Variants in NECTIN2 observed in about 807,000 individuals in gnomAD.
The protein encoded by NECTIN2 is nectin-2.
In NECTIN2, 23 loss-of-function variants were observed where a neutral mutation model predicts 56.9. That is an observed-to-expected ratio of 0.40 (90% CI 0.29 to 0.57). The LOEUF is 0.57. Among genes scored for constraint, NECTIN2 ranks in the 20% least tolerant of loss-of-function variants. NECTIN2 has a pLI of 0.38. For missense variants in NECTIN2, 587 were observed against 718.3 expected (o/e 0.82, Z 2.09); for synonymous variants, 302 against 313.8 (o/e 0.96, Z 0.40).
chr19:44,880,168 TGTC>T (rs780544455), intron 5 of NECTIN2, among the ~76,000 whole-genome samples: 2 of 152,182 alleles, frequency 1.3e-5, no homozygotes, highest in Non-Finnish European at 2.9e-5. Flanking sequence ...GGTTGTTTGT[TGTC>T]TGTACTCACC....
At position 44,874,462 on chromosome 19, in the gene NECTIN2, G is replaced by A. The variant is rs776152479; in HGVS notation, c.1026G>A (p.Gln342=). The A allele has an allele frequency of 1.9e-6, 3 of 1,613,830 alleles. No individual in the cohort carries two copies. The highest frequency in any genetic ancestry group is 2.5e-6 in the Non-Finnish European group (3 of 1,180,030). ...TNAVGMGRAE[Q]VIFVRETPNT... ...CCGTGGGCATGGGCCGCGCTGAGCA[G>A]GTCATCTTTGTCCGAGGTGAGTGGG... The change falls in exon 5 of 9, where the codon CAG becomes CAA. Residue 342 remains glutamine (Q), a synonymous_variant. Coordinates refer to ENST00000252483, the MANE Select transcript of NECTIN2 (RefSeq NM_001042724.2). This position sits in a 1 kb window ranked among gnomAD's most constrained non-coding sequence, Gnocchi z 6.3.
rs1969231012 is a variant in NECTIN2 at position 44,875,899 on chromosome 19, T to C, written c.1042+1421T>C. On this transcript the variant is annotated intron_variant, in intron 5 of 8. Transcript: ENST00000252483. This position sits in a 1 kb window ranked among gnomAD's most constrained non-coding sequence, Gnocchi z 4.2. ...ACCCAGAGAGACAGCTGTCCCGCTC[T>C]GGGCTCGCCTGGCGCGTGAGGATGC... Among the ~76,000 whole-genome samples the C allele has an allele frequency of 6.6e-6, 1 of 152,166 alleles. No homozygotes were observed. Among genetic ancestry groups the C allele is most frequent in the African/African-American group, 2.4e-5 (1 of 41,426 alleles).
Position 44,865,337 on chromosome 19 carries a change from T to A in NECTIN2, c.155T>A (p.Leu52Gln). 1 of 1,614,114 alleles carries A rather than the reference T, an allele frequency of 6.2e-7. No homozygotes were observed. The highest frequency in any genetic ancestry group is 8.5e-7 in the Non-Finnish European group (1 of 1,180,010). ...GGCCAGCTCGGGGGCACCGTGGAGC[T>A]GCCGTGCCACCTGCTGCCACCTGTT... Reference protein sequence around the residue: ...VRGQLGGTVELPCHLLPPVPG... With the variant: ...VRGQLGGTVEQPCHLLPPVPG... Residue 52 changes from leucine to glutamine, a missense_variant, in exon 2 of 9, where the codon CTG (leucine) becomes CAG (glutamine). By Grantham distance (113) the Leu-to-Gln change is moderately radical. Coordinates refer to ENST00000252483, the MANE Select transcript of NECTIN2 (RefSeq NM_001042724.2). The surrounding 1 kb of genome is among the most constrained non-coding windows in gnomAD (Gnocchi z 5.2).
chr19:44,870,563 G>A lies in NECTIN2; in HGVS notation c.479-1290G>A, dbSNP rs552943147. ...TTTCCAAGAGAATGAGGTGGAAAGG[G>A]TATAAAAAAAAGAAACGGCTTTGAG... On this transcript the variant is annotated intron_variant, in intron 2 of 8. Coordinates refer to ENST00000252483, the MANE Select transcript of NECTIN2 (RefSeq NM_001042724.2). Among the ~76,000 whole-genome samples, 8 of 150,730 alleles carry A rather than the reference G, an allele frequency of 5.3e-5. No homozygotes were observed. The East Asian group carries it at 1.4e-3, about 26-fold the overall frequency.
Position 44,874,498 on chromosome 19 carries a change from C to G in NECTIN2, c.1042+20C>G. On this transcript the variant is annotated intron_variant, in intron 5 of 8. Transcript: ENST00000252483. The surrounding 1 kb of genome is among the most constrained non-coding windows in gnomAD (Gnocchi z 6.3). ...TCCGAGGTGAGTGGGTCTTGGGGGC[C>G]GTGTGTGGAGACCTGGGTCCGCTCC... 1 of 1,611,198 alleles carries G rather than the reference C, an allele frequency of 6.2e-7. No homozygotes were observed. Among genetic ancestry groups the G allele is most frequent in the South Asian group, 1.1e-5 (1 of 91,058 alleles).
At chr19:44,872,257 C>G (rs1213453751) in intron 3 of NECTIN2, 108 bp downstream of exon 3, 6 of 1,188,834 alleles carry the variant, frequency 5.0e-6, no homozygotes, top group Non-Finnish European at 7.1e-6. Context: ...TTCCCTGAAG[C>G]CAAATTCTGC....
intron 5 of NECTIN2, among the ~76,000 whole-genome samples, chr19:44,880,458 C>G (rs1969295576): frequency 6.7e-6 from 1 of 149,894 alleles, no homozygotes; most frequent in Admixed American, 6.8e-5. Flanking sequence ...GCTTCTCGAC[C>G]CCTTTTCCTG....
Position 44,869,615 on chromosome 19 carries a change from G to T in NECTIN2, c.479-2238G>T, listed in dbSNP as rs757040734. 1.5e-4 allele frequency among the ~76,000 whole-genome samples: 18 copies of T among 122,026 alleles called. No homozygotes were observed. The East Asian group carries it at 4.0e-3, about 27-fold the overall frequency. The allele number at this position is 122,026 out of a possible 152,430, so 80.1% of individuals were successfully genotyped here. A position where few individuals can be genotyped will look rare whatever the true frequency, so the allele number is the denominator to read the frequency against. On this transcript the variant is annotated intron_variant, in intron 2 of 8. Transcript: ENST00000252483. The stretch of plus-strand genomic sequence containing the variant: ...CTCAAAAAAAAAAAAAAAAAGAAAA[G>T]AAAATATGATTAAGTGTAGGGTTTA...
chr19:44,872,825 A>G (rs1969192782), intron 3 of NECTIN2, among the ~76,000 whole-genome samples: 2 of 147,562 alleles, frequency 1.4e-5, no homozygotes, highest in South Asian at 2.1e-4. Context: ...ATTTTTATAT[A>G]TTATATATTA....
intron 1 of NECTIN2, among the ~76,000 whole-genome samples, chr19:44,855,077 T>C (rs1183421454): frequency 8.6e-6 from 1 of 116,150 alleles, no homozygotes; most frequent in Non-Finnish European, 1.7e-5. Flanking sequence ...GAGATCGCGC[T>C]GCTGCACTCC....
rs4013742 is a variant in NECTIN2 at position 44,880,475 on chromosome 19, C to CT, written c.1043-1706dup. 7.6e-3 allele frequency among the ~76,000 whole-genome samples: 521 copies of CT among 68,878 alleles called. 147 individuals carry two copies. The highest frequency in any genetic ancestry group is 8.9e-3 in the East Asian group (23 of 2,588). 45.2% of individuals were successfully genotyped at this position (68,878 alleles called of 152,430 possible). A position where few individuals can be genotyped will look rare whatever the true frequency, so the allele number is the denominator to read the frequency against. ...TTCTCGACCCCTTTTCCTGTCTTGC[C>CT]TTTTTTTTTTTTTTTTTTTTTTTTT... On this transcript the variant is annotated intron_variant, in intron 5 of 8. Coordinates refer to ENST00000252483, the MANE Select transcript of NECTIN2 (RefSeq NM_001042724.2).
chr19:44,882,690 CAAAAAAAAAAAA>C (rs35741405), intron 6 of NECTIN2, among the ~76,000 whole-genome samples: 7 of 38,314 alleles, frequency 1.8e-4, no homozygotes, highest in Non-Finnish European at 2.4e-4. Flanking sequence ...CCCCCATCTA[CAAAAAAAAAAAA>C]AAAAAAAAAA....
intron 2 of NECTIN2, among the ~76,000 whole-genome samples, chr19:44,870,370 G>T (rs535331694): frequency 1.5e-3 from 233 of 152,244 alleles, no homozygotes; most frequent in African/African-American, 5.5e-3. Context: ...AAGGCGGTGG[G>T]AAGGGAGAGC....
chr19:44,874,215 C>A lies in NECTIN2; in HGVS notation c.894-115C>A. The A allele has an allele frequency of 7.2e-7, 1 of 1,395,966 alleles. No homozygotes were observed. The highest frequency in any genetic ancestry group is 1.0e-6 in the Non-Finnish European group (1 of 1,003,938). The allele number at this position is 1,395,966 out of a possible 1,614,324, so 86.5% of individuals were successfully genotyped here. A position where few individuals can be genotyped will look rare whatever the true frequency, so the allele number is the denominator to read the frequency against. ...CTTGCATTTTGGCAATTTGGGGTCT[C>A]CGGGAGTACTTAGGTCCCTGGAGCT... On this transcript the variant is annotated intron_variant, in intron 4 of 8. Coordinates refer to ENST00000252483, the MANE Select transcript of NECTIN2 (RefSeq NM_001042724.2). This position sits in a 1 kb window ranked among gnomAD's most constrained non-coding sequence, Gnocchi z 6.3.
chr19:44,886,083 G>A, intron 7 of NECTIN2, 50 bp from the exon 8 acceptor site: 1 of 1,574,756 alleles, frequency 6.4e-7, no homozygotes, highest in African/African-American at 1.3e-5. Flanking sequence ...GGAGAAGCTG[G>A]CTGGGTGGTG....
intron 5 of NECTIN2, among the ~76,000 whole-genome samples, chr19:44,877,590 G>C (rs1401519099): frequency 6.6e-6 from 1 of 152,238 alleles, no homozygotes; most frequent in East Asian, 1.9e-4. Context: ...AGCCACTCAA[G>C]AGGGCAGAAT....
chr19:44,846,719 C>G, intron 1 of NECTIN2, 106 bp downstream of exon 1: 3 of 1,334,998 alleles, frequency 2.2e-6, no homozygotes, highest in Non-Finnish European at 2.0e-6. Flanking sequence ...GCTCCCCGAG[C>G]CCCCTCTCGC....
intron 1 of NECTIN2, among the ~76,000 whole-genome samples, chr19:44,851,958 C>T (rs1968904166): frequency 6.6e-6 from 1 of 152,140 alleles, no homozygotes. Flanking sequence ...CCAACCCTCC[C>T]AGCTTCTCCC....
At position 44,886,162 on chromosome 19, in the gene NECTIN2, G is replaced by A. The variant is rs376996543; in HGVS notation, c.1290G>A (p.Ser430=). ...MPSQLFTLGA[S]EHSPLKTPYF... ...CCCAGCTCTTCACTCTGGGGGCCTC[G>A]GAGCACAGCCCACTCAAGACCCCCT... The change falls in exon 8 of 9, where the codon TCG becomes TCA. Residue 430 remains serine, a synonymous_variant. Coordinates refer to ENST00000252483, the MANE Select transcript of NECTIN2 (RefSeq NM_001042724.2). The A allele has an allele frequency of 3.3e-5, 54 of 1,613,008 alleles. No homozygotes were observed. The highest frequency in any genetic ancestry group is 1.5e-4 in the African/African-American group (11 of 74,868).
Sources: gnomAD v4.1 joint callset for allele counts (sites outside exome capture counted in the v4.1 genomes callset) on GRCh38, gnomAD v4.1.1 for gene constraint, Gnocchi (gnomAD v3.1) non-coding constraint, MANE v1.5 for transcripts, NCBI Gene and HGNC (gene_info 2026-07-23, HGNC 2026-07-21) for gene names.